The following RGS7 variants were observed in gnomAD, a reference collection of about 807,000 sequenced individuals.
RGS7 encodes the protein regulator of G-protein signaling 7.
A neutral mutation model predicts 81.1 loss-of-function variants in RGS7; 27 were observed. The observed-to-expected ratio is 0.33, with a 90% CI of 0.25 to 0.46. The LOEUF (loss-of-function observed/expected upper bound fraction) is 0.46, where lower values mean the gene tolerates loss of function less well. Among genes scored for constraint, RGS7 ranks in the 20% least tolerant of loss-of-function variants. The pLI is 1.00. For synonymous variants in RGS7, 208 were observed against 207.7 expected (o/e 1.00, Z -0.01); for missense variants, 396 against 607.4 (o/e 0.65, Z 3.66).
intron 9 of RGS7, among the ~76,000 whole-genome samples, chr1:240,852,837 T>C (rs919347552): frequency 6.6e-6 from 1 of 152,184 alleles, no homozygotes; most frequent in African/African-American, 2.4e-5. Context: ...CAACTCAAGC[T>C]AAGGGATTCC....
intron 2 of RGS7, among the ~76,000 whole-genome samples, chr1:241,284,362 G>T (rs2148415074): frequency 6.6e-6 from 1 of 152,060 alleles, no homozygotes; most frequent in Admixed American, 6.5e-5. Context: ...TTGCAACATG[G>T]CCTCCAATGC....
chr1:241,295,328 C>G (rs954531650), intron 2 of RGS7, among the ~76,000 whole-genome samples: 5 of 150,534 alleles, frequency 3.3e-5, no homozygotes, highest in Admixed American at 2.0e-4. Flanking sequence ...TGGTGCATGC[C>G]TGAAATCCCA....
chr1:240,890,937 GCAC>G (rs1558422211), intron 6 of RGS7, among the ~76,000 whole-genome samples: 1 of 152,070 alleles, frequency 6.6e-6, no homozygotes, highest in Non-Finnish European at 1.5e-5. Context: ...CATTCATTTT[GCAC>G]CAACCTAATG....
intron 2 of RGS7, among the ~76,000 whole-genome samples, chr1:241,161,719 CTTT>C (rs140807162): frequency 9.2e-5 from 12 of 129,788 alleles, no homozygotes; most frequent in Non-Finnish European, 1.3e-4. Flanking sequence ...TGTTTTATTG[CTTT>C]TTTTTTTTTT....
chr1:241,089,993 CAAA>C (rs10716500), intron 3 of RGS7, among the ~76,000 whole-genome samples: 14 of 93,026 alleles, frequency 1.5e-4, no homozygotes, highest in African/African-American at 2.5e-4. Flanking sequence ...GACTCCATCT[CAAA>C]AAAAAAAAAA....
intron 2 of RGS7, among the ~76,000 whole-genome samples, chr1:241,099,026 T>C (rs1476593556): frequency 1.3e-5 from 2 of 152,230 alleles, no homozygotes; most frequent in Non-Finnish European, 2.9e-5. Context: ...TGATTTCATG[T>C]ACCTTGGTTA....
In RGS7 at chr1:240,858,973, C is replaced by T. The variant is rs2147971040; in HGVS notation, c.609+9614G>A. On this transcript the variant is annotated intron_variant, in intron 9 of 18. Transcript: ENST00000440928. ...TCCTTCCTTGCAATGACTTTGTTTG[C>T]TTTGGGTATTGGGGTAATGCTAGCC... 2.0e-5 allele frequency among the ~76,000 whole-genome samples: 3 copies of T among 152,100 alleles called. No individual in the cohort carries two copies. In the South Asian group the frequency reaches 6.2e-4, roughly 32 times the overall value.
intron 3 of RGS7, among the ~76,000 whole-genome samples, chr1:241,080,425 G>A (rs527541569): frequency 4.6e-5 from 7 of 152,196 alleles, no homozygotes; most frequent in South Asian, 2.1e-4. Context: ...AACCTATGCC[G>A]ATACTATAGC....
chr1:241,259,667 A>AAAAAAAAATATATATATATATAT, intron 2 of RGS7, among the ~76,000 whole-genome samples: 2 of 49,146 alleles, frequency 4.1e-5, no homozygotes, highest in Admixed American at 3.8e-4. Flanking sequence ...AAAAAAAAAA[A>AAAAAAAAATATATATATATATAT]ATATATATAT....
At chr1:240,876,593 G>C (rs1665455732) in intron 6 of RGS7, among the ~76,000 whole-genome samples, 1 of 152,172 alleles carries the variant, frequency 6.6e-6, no homozygotes, top group Admixed American at 6.5e-5. Flanking sequence ...GTGAAAGAGA[G>C]CTGCTGGTGG....
intron 3 of RGS7, among the ~76,000 whole-genome samples, chr1:241,064,369 T>C (rs2148844839): frequency 6.8e-6 from 1 of 146,964 alleles, no homozygotes; most frequent in East Asian, 2.0e-4. Flanking sequence ...GAGGATTGCT[T>C]GAGCCCAGGA....
chr1:240,779,107 GT>G (rs1683510781), intron 18 of RGS7, among the ~76,000 whole-genome samples: 1 of 137,880 alleles, frequency 7.3e-6, no homozygotes, highest in African/African-American at 3.3e-5. Flanking sequence ...CTTTGTGTGT[GT>G]GTGTGTGTGT....
chr1:241,207,043 C>A lies in RGS7; in HGVS notation c.79-108281G>T, dbSNP rs1290936546. Among the ~76,000 whole-genome samples, 183 of 141,966 alleles carry A rather than the reference C, an allele frequency of 1.3e-3. 1 individual carries two copies. The highest frequency in any genetic ancestry group is 4.4e-3 in the African/African-American group (171 of 38,806). 93.1% of individuals were successfully genotyped at this position (141,966 alleles called of 152,430 possible). On this transcript the variant is annotated intron_variant, in intron 2 of 18. Transcript: ENST00000440928. ...GAGTGCAGTGGTGCGATCTGGGCTC[C>A]CTGCAAGCTCCGCCTCCCGGGTTCA...
chr1:241,012,434 T>G (rs1181727538), intron 3 of RGS7, among the ~76,000 whole-genome samples: 1 of 152,184 alleles, frequency 6.6e-6, no homozygotes, highest in Non-Finnish European at 1.5e-5. Context: ...CAGATGACAG[T>G]AAGTCACCAG....
intron 3 of RGS7, among the ~76,000 whole-genome samples, chr1:241,042,932 G>A (rs978489623): frequency 6.6e-6 from 1 of 150,394 alleles, no homozygotes; most frequent in Non-Finnish European, 1.5e-5. Context: ...CTCCAGCCTG[G>A]GTGACAAAGC....
chr1:241,058,939 G>C (rs575276489), intron 3 of RGS7, among the ~76,000 whole-genome samples: 1 of 152,246 alleles, frequency 6.6e-6, no homozygotes, highest in African/African-American at 2.4e-5. Flanking sequence ...AATGCAATCT[G>C]GTTTTCAGCC....
Position 240,959,897 on chromosome 1 carries a change from C to T in RGS7, c.226+23182G>A, listed in dbSNP as rs149169755. ...AAAACATCCTAGGCATGGTGGCTCA[C>T]GCCTGTAATCCCAGCACTTTGGGAG... On this transcript the variant is annotated intron_variant, in intron 4 of 18. Coordinates refer to ENST00000440928, the MANE Select transcript of RGS7 (RefSeq NM_001364886.1). Among the ~76,000 whole-genome samples the T allele has an allele frequency of 5.8e-3, 885 of 152,230 alleles. 12 individuals are homozygous for T. The highest frequency in any genetic ancestry group is 0.02 in the African/African-American group (840 of 41,530).
chr1:241,206,819 C>G (rs558575375), intron 2 of RGS7, among the ~76,000 whole-genome samples: 1 of 152,206 alleles, frequency 6.6e-6, no homozygotes, highest in Admixed American at 6.5e-5. Flanking sequence ...CATGGGAACA[C>G]CCAATTTAAC....
At chr1:240,957,755 G>A (rs1680681870) in intron 4 of RGS7, among the ~76,000 whole-genome samples, 1 of 152,166 alleles carries the variant, frequency 6.6e-6, no homozygotes, top group Non-Finnish European at 1.5e-5. Context: ...CAATAATGAG[G>A]GAAACTGGGG....
Sources: allele counts gnomAD v4.1 joint callset (sites outside exome capture counted in the v4.1 genomes callset), GRCh38; gene constraint gnomAD v4.1.1; transcripts MANE v1.5; gene names NCBI Gene and HGNC (gene_info 2026-07-23, HGNC 2026-07-21).